FBN3: variants seen among roughly 807,000 people sequenced by gnomAD.
The protein encoded by FBN3 is fibrillin 3, also known as fibrillin-3.
In FBN3, 234 loss-of-function variants were observed where a neutral mutation model predicts 330.1. The observed-to-expected ratio is 0.71, with a 90% CI of 0.64 to 0.79. FBN3 has a LOEUF of 0.79. Ranked by LOEUF, FBN3 falls within the 30% of genes least tolerant of loss-of-function variation. FBN3 has a pLI of 0.00. For missense variants in FBN3, 3,606 were observed against 3,886.9 expected (o/e 0.93, Z 1.92); for synonymous variants, 1,458 against 1,517.3 (o/e 0.96, Z 0.91).
At position 8,126,024 on chromosome 19, in the gene FBN3, AAGG is replaced by A. The variant is rs1353941338; in HGVS notation, c.2606-10_2606-8del. On this transcript the variant is annotated splice_region_variant and splice_polypyrimidine_tract_variant and intron_variant, in intron 21 of 63. Coordinates refer to ENST00000600128, the MANE Select transcript of FBN3 (RefSeq NM_032447.5). Reference sequence around the variant, plus strand: ...GACTCACACTCGTTCACATCTGGGTAAGGAGGAGGGAAAGCCGGAGGGTCCAGG... The same window carrying A: ...GACTCACACTCGTTCACATCTGGGTAAGGAGGGAAAGCCGGAGGGTCCAGG... The A allele has an allele frequency of 6.2e-7, 1 of 1,613,766 alleles. No individual in the cohort carries two copies. Among genetic ancestry groups the A allele is most frequent in the East Asian group, 2.2e-5 (1 of 44,858 alleles).
In FBN3 at chr19:8,065,626, T is replaced by G; in HGVS notation, c.*293A>C. ...GCAGTACAGAAGTGAAAGCCTGAGA[T>G]TGGCCAGACACGGTGACCACAGGGC... On this transcript the variant is annotated 3_prime_UTR_variant, in exon 64 of 64. Coordinates refer to ENST00000600128, the MANE Select transcript of FBN3 (RefSeq NM_032447.5). The G allele has an allele frequency of 2.4e-6, 1 of 417,480 alleles. No homozygotes were observed. Among genetic ancestry groups the G allele is most frequent in the Non-Finnish European group, 4.3e-6 (1 of 234,538 alleles). The allele number at this position is 417,480 out of a possible 1,614,324, so 25.9% of individuals were successfully genotyped here.
chr19:8,104,159 T>C (rs898340281), intron 38 of FBN3, among the ~76,000 whole-genome samples: 6 of 86,512 alleles, frequency 6.9e-5, no homozygotes, highest in African/African-American at 9.6e-5. Flanking sequence ...CAATATGACA[T>C]TAAGTGAAAA....
chr19:8,142,531 C>T (rs571063432), intron 6 of FBN3, among the ~76,000 whole-genome samples: 2 of 152,234 alleles, frequency 1.3e-5, no homozygotes, highest in South Asian at 2.1e-4. Flanking sequence ...CCTGCCATAT[C>T]GCCCAGATTT....
Position 8,111,640 on chromosome 19 carries a change from A to AAAAAAC in FBN3, c.4084+7_4084+8insGTTTTT. 6.5e-7 allele frequency: 1 copy of AAAAAAC among 1,549,032 alleles called. No homozygotes were observed. Among genetic ancestry groups the AAAAAAC allele is most frequent in the East Asian group, 2.4e-5 (1 of 42,538 alleles). On this transcript the variant is annotated splice_region_variant and intron_variant, in intron 32 of 63. Coordinates refer to ENST00000600128, the MANE Select transcript of FBN3 (RefSeq NM_032447.5). ...AGGGCCCCTGCCCTCCCACCCCTCT[A>AAAAAAC]ATCTCACCTTCGCAGAAGAAGCCAT...
chr19:8,089,823 A>T, intron 50 of FBN3, 71 bp downstream of exon 50: 1 of 1,527,586 alleles, frequency 6.5e-7, no homozygotes, highest in Non-Finnish European at 8.8e-7. Flanking sequence ...TGAAACTCAG[A>T]GACCCAGGCA....
At chr19:8,066,581 G>A (rs2081395775) in intron 63 of FBN3, among the ~76,000 whole-genome samples, 1 of 152,048 alleles carries the variant, frequency 6.6e-6, no homozygotes, top group Admixed American at 6.6e-5. Context: ...GAGAGAGGGA[G>A]GGAGACAAGA....
intron 1 of FBN3, chr19:8,147,755 G>C (rs1433709555): frequency 5.5e-6 from 2 of 361,532 alleles, no homozygotes; most frequent in African/African-American, 4.2e-5. Context: ...TGGAAGGGAG[G>C]GGAGAGAGGG....
At position 8,142,105 on chromosome 19, in the gene FBN3, C is replaced by A; in HGVS notation, c.574G>T (p.Gly192Cys). The change falls in exon 7 of 64, where the codon GGC becomes TGC. Residue 192 changes from glycine to cysteine, a missense_variant. By Grantham distance (159) the Gly-to-Cys change is radical. Coordinates refer to ENST00000600128, the MANE Select transcript of FBN3 (RefSeq NM_032447.5). ...YRTGPCFGQV[G>C]PEGCQHQLTG... ...AGCTGATGCTGGCACCCCTCGGGGC[C>A]TACTTGGCCAAAGCAGGGTCCCGTC... 1 of 1,612,694 alleles carries A rather than the reference C, an allele frequency of 6.2e-7. No individual in the cohort carries two copies. The highest frequency in any genetic ancestry group is 1.1e-5 in the South Asian group (1 of 91,030).
intron 58 of FBN3, 119 bp downstream of exon 58, chr19:8,081,239 G>T: frequency 6.7e-7 from 1 of 1,484,922 alleles, no homozygotes; most frequent in Non-Finnish European, 9.2e-7. Flanking sequence ...CTCGGAGATG[G>T]TGCTTGACTC....
At chr19:8,084,397 C>T (rs2081886178) in intron 56 of FBN3, among the ~76,000 whole-genome samples, 1 of 151,820 alleles carries the variant, frequency 6.6e-6, no homozygotes, top group South Asian at 2.1e-4. Context: ...CTGGGCCGGG[C>T]GCGGTGGCTC....
chr19:8,109,569 G>A lies in FBN3; in HGVS notation c.4456+62C>T. ...CGTTGACATCTGAGTTAACCCAGTGGGGCAATCCCACCCACCTCTGCTGAC... is the reference window on the plus strand; with the variant it reads ...CGTTGACATCTGAGTTAACCCAGTGAGGCAATCCCACCCACCTCTGCTGAC... On this transcript the variant is annotated intron_variant, in intron 35 of 63. Coordinates refer to ENST00000600128, the MANE Select transcript of FBN3 (RefSeq NM_032447.5). The surrounding 1 kb of genome is among the most constrained non-coding windows in gnomAD (Gnocchi z 5.2). 6.4e-7 allele frequency: 1 copy of A among 1,554,434 alleles called. No individual in the cohort carries two copies. The highest frequency in any genetic ancestry group is 8.7e-7 in the Non-Finnish European group (1 of 1,148,120).
At chr19:8,104,719 CA>C (rs1468506140) in intron 38 of FBN3, among the ~76,000 whole-genome samples, 5 of 152,114 alleles carry the variant, frequency 3.3e-5, no homozygotes, top group Non-Finnish European at 7.3e-5. Flanking sequence ...AGGGCCAGAA[CA>C]TTTTGGTTTT....
In FBN3 at chr19:8,136,054, A is replaced by G; in HGVS notation, c.1498T>C (p.Cys500Arg). The change falls in exon 13 of 64, where the codon TGT becomes CGT. Residue 500 changes from cysteine to arginine, a missense_variant. Coordinates refer to ENST00000600128, the MANE Select transcript of FBN3 (RefSeq NM_032447.5). Reference protein sequence around the residue: ...VDECIVSGGLCHLGRCVNTEG... With the variant: ...VDECIVSGGLRHLGRCVNTEG... ...GTGTTGACACAGCGGCCCAGGTGACAAAGGCCACCACTGACAATGCACTCG... is the reference window on the plus strand; with the variant it reads ...GTGTTGACACAGCGGCCCAGGTGACGAAGGCCACCACTGACAATGCACTCG... 6.2e-7 allele frequency: 1 copy of G among 1,613,486 alleles called. No homozygotes were observed. Among genetic ancestry groups the G allele is most frequent in the Non-Finnish European group, 8.5e-7 (1 of 1,179,776 alleles).
chr19:8,073,920 G>C (rs1204175767), intron 61 of FBN3, among the ~76,000 whole-genome samples: 2 of 152,116 alleles, frequency 1.3e-5, no homozygotes, highest in Non-Finnish European at 2.9e-5. Context: ...GGCCTCAAAT[G>C]ATCCCCCTAC....
chr19:8,102,053 G>A (rs927669255), intron 40 of FBN3, among the ~76,000 whole-genome samples: 4 of 152,038 alleles, frequency 2.6e-5, no homozygotes, highest in East Asian at 3.8e-4. Flanking sequence ...AATAAATCTC[G>A]TGAGATCTGA....
rs764018597 is a variant in FBN3 at position 8,147,077 on chromosome 19, C to G, written c.250+27G>C. 5.8e-6 allele frequency: 9 copies of G among 1,540,866 alleles called. No individual in the cohort carries two copies. In the Admixed American group the frequency reaches 1.8e-4, roughly 30 times the overall value. On this transcript the variant is annotated intron_variant, in intron 3 of 63. Coordinates refer to ENST00000600128, the MANE Select transcript of FBN3 (RefSeq NM_032447.5). ...AAGAGTGTCCCCGGCCTGTGCCCCC[C>G]CACCTCCAGACGGCGGTAGCACTCA...
chr19:8,074,039 G>A (rs139134820), intron 61 of FBN3, among the ~76,000 whole-genome samples: 203 of 152,312 alleles, frequency 1.3e-3, no homozygotes, highest in African/African-American at 3.9e-3. Context: ...GTCCTCTGTT[G>A]AGAACCTAGT....
At position 8,111,056 on chromosome 19, in the gene FBN3, A is replaced by G. The variant is rs1259163921; in HGVS notation, c.4210+2T>C. 1 of 1,606,246 alleles carries G rather than the reference A, an allele frequency of 6.2e-7. No homozygotes were observed. The highest frequency in any genetic ancestry group is 2.2e-5 in the East Asian group (1 of 44,620). ...CCTCTGCCCTGGCGGGCCCAACCTT[A>G]CCCTGGCAGGCCCGGTGGTCCTCGG... On this transcript the variant is annotated splice_donor_variant, in intron 33 of 63. Transcript: ENST00000600128. LOFTEE classifies it high-confidence loss of function.
chr19:8,083,476 C>T, intron 56 of FBN3, 104 bp from the exon 57 acceptor site: 1 of 1,413,960 alleles, frequency 7.1e-7, no homozygotes, highest in Non-Finnish European at 9.8e-7. Context: ...GGAGGAAAGT[C>T]CAGCCTCCCT....
Sources: allele counts gnomAD v4.1 joint callset (sites outside exome capture counted in the v4.1 genomes callset), GRCh38; gene constraint gnomAD v4.1.1; non-coding constraint Gnocchi (gnomAD v3.1); transcripts MANE v1.5; gene names NCBI Gene and HGNC (gene_info 2026-07-23, HGNC 2026-07-21).